SSBP2: variants seen among roughly 807,000 people sequenced by gnomAD.
SSBP2 encodes the protein single stranded DNA binding protein 2.
Under a neutral mutation model 61.8 loss-of-function variants are expected in SSBP2, and 17 were observed. The observed-to-expected ratio is 0.28, with a 90% CI of 0.19 to 0.41. The LOEUF is 0.41. SSBP2 is among the 10% of genes least tolerant of loss of function. The pLI, the probability that SSBP2 is intolerant of heterozygous loss-of-function variation, is 1.00. For synonymous variants in SSBP2, 139 were observed against 141.3 expected, an observed-to-expected ratio of 0.98 and a Z score of 0.12; for missense variants, 310 against 458.7, an observed-to-expected ratio of 0.68 and a Z score of 2.96.
chr5:81,492,489 G>A (rs956877760), intron 5 of SSBP2, among the ~76,000 whole-genome samples: 2 of 152,124 alleles, frequency 1.3e-5, no homozygotes, highest in African/African-American at 2.4e-5. Context: ...GGGTGACAGA[G>A]CAAGACTCTT....
chr5:81,488,600 C>T (rs917712076), intron 6 of SSBP2, among the ~76,000 whole-genome samples: 27 of 151,852 alleles, frequency 1.8e-4, no homozygotes, highest in Non-Finnish European at 3.1e-4. Context: ...ATGTGCACAA[C>T]GTGCAGGTTT....
chr5:81,576,826 G>C (rs929951523), intron 4 of SSBP2, among the ~76,000 whole-genome samples: 23 of 152,060 alleles, frequency 1.5e-4, no homozygotes, highest in Non-Finnish European at 3.1e-4. Flanking sequence ...GGCAGAAGAA[G>C]TTCAGGGTGT....
At chr5:81,536,951 C>T (rs1416120314) in intron 4 of SSBP2, among the ~76,000 whole-genome samples, 1 of 151,118 alleles carries the variant, frequency 6.6e-6, no homozygotes, top group African/African-American at 2.4e-5. Flanking sequence ...TTGCAGTGAA[C>T]TGAGATCACA....
intron 4 of SSBP2, among the ~76,000 whole-genome samples, chr5:81,603,356 G>C (rs1366513176): frequency 2.0e-5 from 3 of 152,192 alleles, no homozygotes; most frequent in Admixed American, 6.5e-5. Flanking sequence ...TTTTAAGACA[G>C]AGCATCCCAA....
chr5:81,521,990 T>A (rs1286163317), intron 4 of SSBP2, among the ~76,000 whole-genome samples: 2 of 152,036 alleles, frequency 1.3e-5, no homozygotes, highest in Admixed American at 6.6e-5. Context: ...GTATATATCA[T>A]GTGCTATAAA....
intron 1 of SSBP2, among the ~76,000 whole-genome samples, chr5:81,676,494 G>A (rs975333341): frequency 1.3e-5 from 2 of 152,044 alleles, no homozygotes; most frequent in African/African-American, 2.4e-5. Context: ...CTCAACCCAC[G>A]TAACACATTC....
At chr5:81,740,378 A>C (rs1756932263) in intron 1 of SSBP2, among the ~76,000 whole-genome samples, 5 of 152,218 alleles carry the variant, frequency 3.3e-5, no homozygotes, top group Admixed American at 3.3e-4. Flanking sequence ...AAATATACTG[A>C]TAATGTATAA....
chr5:81,511,557 T>C (rs932177956), intron 5 of SSBP2, among the ~76,000 whole-genome samples: 1 of 152,228 alleles, frequency 6.6e-6, no homozygotes, highest in Non-Finnish European at 1.5e-5. Context: ...ACAGATCATT[T>C]TGATGCAGTC....
At chr5:81,438,147 C>T (rs1041676301) in intron 14 of SSBP2, among the ~76,000 whole-genome samples, 6 of 151,864 alleles carry the variant, frequency 4.0e-5, no homozygotes, top group Admixed American at 6.6e-5. Flanking sequence ...GTCCGGAGTT[C>T]GAGACCAGCC....
intron 4 of SSBP2, among the ~76,000 whole-genome samples, chr5:81,583,959 T>C (rs1055858303): frequency 1.3e-5 from 2 of 152,216 alleles, no homozygotes; most frequent in African/African-American, 4.8e-5. Context: ...ATTTTTAAAA[T>C]ACAATGATTA....
intron 2 of SSBP2, among the ~76,000 whole-genome samples, chr5:81,639,229 T>C (rs1005429490): frequency 6.6e-6 from 1 of 152,208 alleles, no homozygotes; most frequent in Non-Finnish European, 1.5e-5. Flanking sequence ...AATAAGAGTT[T>C]TTAAAAGTTG....
At chr5:81,594,881 G>C (rs1370340462) in intron 4 of SSBP2, among the ~76,000 whole-genome samples, 1 of 152,110 alleles carries the variant, frequency 6.6e-6, no homozygotes, top group South Asian at 2.1e-4. Flanking sequence ...ATGCCCACAA[G>C]AGAAAGCAGG....
intron 4 of SSBP2, among the ~76,000 whole-genome samples, chr5:81,548,591 G>A (rs1023548940): frequency 3.9e-5 from 6 of 151,978 alleles, no homozygotes; most frequent in Admixed American, 1.3e-4. Flanking sequence ...CTCTTCTCCC[G>A]CGAACTTACT....
chr5:81,590,342 A>C (rs568739005), intron 4 of SSBP2, among the ~76,000 whole-genome samples: 82 of 152,354 alleles, frequency 5.4e-4, no homozygotes, highest in Non-Finnish European at 1.0e-3. Flanking sequence ...TCCAAGTAAG[A>C]GGTAGAAGGC....
intron 4 of SSBP2, among the ~76,000 whole-genome samples, chr5:81,525,079 T>C (rs994565469): frequency 1.3e-5 from 2 of 152,024 alleles, no homozygotes; most frequent in East Asian, 1.9e-4. Flanking sequence ...GTTTTAATCC[T>C]TGTGCCAAAA....
chr5:81,434,808 T>C (rs530470677), intron 15 of SSBP2, among the ~76,000 whole-genome samples: 9 of 151,816 alleles, frequency 5.9e-5, no homozygotes, highest in Admixed American at 6.6e-5. Flanking sequence ...TGAACATGTG[T>C]TGGAAAAGGA....
At chr5:81,734,220 T>G (rs1202901650) in intron 1 of SSBP2, among the ~76,000 whole-genome samples, 2 of 152,210 alleles carry the variant, frequency 1.3e-5, no homozygotes, top group Admixed American at 1.3e-4. Context: ...ATTGCTTAAT[T>G]TGTTGTATTA....
At chr5:81,606,029 G>A (rs1262290744) in intron 4 of SSBP2, among the ~76,000 whole-genome samples, 1 of 152,134 alleles carries the variant, frequency 6.6e-6, no homozygotes, top group Non-Finnish European at 1.5e-5. Flanking sequence ...ATTTTATTCT[G>A]GAAATGAGCA....
chr5:81,702,374 A>C (rs386922), intron 1 of SSBP2, among the ~76,000 whole-genome samples: 81,426 of 151,952 alleles, frequency 0.54, 23,659 homozygotes, highest in African/African-American at 0.73. Context: ...CCATCTCAAA[A>C]AAACAAACAA....
Sources: allele counts gnomAD v4.1 joint callset (sites outside exome capture counted in the v4.1 genomes callset), GRCh38; gene constraint gnomAD v4.1.1; transcripts MANE v1.5; gene names NCBI Gene and HGNC (gene_info 2026-07-23, HGNC 2026-07-21).